Variants in SMS observed in about 807,000 individuals in gnomAD.
SMS encodes the protein spermidine aminopropyltransferase.
A neutral mutation model predicts 33.0 loss-of-function variants in SMS; 3 were observed. The observed-to-expected ratio is 0.09, with a 90% CI of 0.04 to 0.23. The LOEUF is 0.23. Ranked by LOEUF, SMS falls within the 10% of genes least tolerant of loss-of-function variation. SMS has a pLI of 1.00. For synonymous variants in SMS, 103 were observed against 112.2 expected (o/e 0.92, Z 0.52); for missense variants, 117 against 288.6 (o/e 0.41, Z 4.31).
In SMS at chrX:21,977,906, G is replaced by A. The variant is rs142524592; in HGVS notation, c.506-54G>A. 3.6e-6 allele frequency: 4 copies of A among 1,123,940 alleles called. No individual in the cohort carries two copies. In the African/African-American group the frequency reaches 7.2e-5, roughly 20 times the overall value. The allele number at this position is 1,123,940 out of a possible 1,213,427, so 92.6% of individuals were successfully genotyped here. On this transcript the variant is annotated intron_variant, in intron 5 of 10. Transcript: ENST00000404933. ...CCAGCTCTTCAGTGTGGTGGGGCCA[G>A]GTGGTTTGTGTGTTAAGGTAGACTC...
chrX:21,959,180 C>T (rs1281426767), intron 1 of SMS, among the ~76,000 whole-genome samples: 1 of 112,547 alleles, frequency 8.9e-6, no homozygotes, highest in East Asian at 2.8e-4. Flanking sequence ...GCCAAAGGAC[C>T]ACCTGCTTGA....
At chrX:21,953,482 G>A (rs1922755864) in intron 1 of SMS, among the ~76,000 whole-genome samples, 1 of 112,311 alleles carries the variant, frequency 8.9e-6, no homozygotes, top group Non-Finnish European at 1.9e-5. Flanking sequence ...CAATGCCTGG[G>A]AAAGGAGGAG....
chrX:21,979,774 G>A (rs181827262), intron 7 of SMS, among the ~76,000 whole-genome samples: 30 of 109,793 alleles, frequency 2.7e-4, no homozygotes, highest in African/African-American at 8.3e-4. Context: ...TTGAGGAATC[G>A]CTACGCTGTC....
Position 21,960,350 on chromosome X carries a change from C to T in SMS, c.50-6846C>T, listed in dbSNP as rs749834099. 1.4e-4 allele frequency among the ~76,000 whole-genome samples: 15 copies of T among 108,884 alleles called. No homozygotes were observed. In the South Asian group the frequency reaches 6.1e-3, roughly 45 times the overall value. The allele number at this position is 108,884 out of a possible 115,157, so 94.6% of individuals were successfully genotyped here. ...CTCCCAATTTCACAAGCCAGGTGCTCCTTGACCATGAGAGAGCTGAAAGGA... is the reference window on the plus strand; with the variant it reads ...CTCCCAATTTCACAAGCCAGGTGCTTCTTGACCATGAGAGAGCTGAAAGGA... On this transcript the variant is annotated intron_variant, in intron 1 of 10. Coordinates refer to ENST00000404933, the MANE Select transcript of SMS (RefSeq NM_004595.5).
chrX:21,983,121 C>T (rs1385925592), intron 7 of SMS, among the ~76,000 whole-genome samples: 2 of 111,214 alleles, frequency 1.8e-5, no homozygotes, highest in Non-Finnish European at 3.8e-5. Flanking sequence ...CTCACTACAG[C>T]CTCAAACTCC....
At chrX:21,961,798 G>A (rs1484743800) in intron 1 of SMS, among the ~76,000 whole-genome samples, 3 of 111,935 alleles carry the variant, frequency 2.7e-5, no homozygotes, top group Non-Finnish European at 3.8e-5. Context: ...GTTTCTGAGC[G>A]CTTTGGAAGG....
intron 7 of SMS, among the ~76,000 whole-genome samples, chrX:21,983,002 A>G (rs927137035): frequency 3.6e-5 from 4 of 111,801 alleles, no homozygotes; most frequent in African/African-American, 6.5e-5. Flanking sequence ...GAGAAATAAC[A>G]TGGGATAGGT....
chrX:21,959,647 A>G (rs1457083064), intron 1 of SMS, among the ~76,000 whole-genome samples: 1 of 112,882 alleles, frequency 8.9e-6, no homozygotes, highest in Non-Finnish European at 1.9e-5. Context: ...GTGGTTTTAA[A>G]GCAGCTACCT....
chrX:21,978,778 T>C (rs745646391), intron 6 of SMS, 99 bp from the exon 7 acceptor site: 127 of 609,963 alleles, frequency 2.1e-4, no homozygotes, highest in Non-Finnish European at 4.8e-5. Flanking sequence ...ATACCCAAGT[T>C]AGTATTATAA....
At chrX:21,948,439 C>CTTTTTTTTTTTTTTTTT (rs59082770) in intron 1 of SMS, among the ~76,000 whole-genome samples, 2 of 80,185 alleles carry the variant, frequency 2.5e-5, no homozygotes, top group Non-Finnish European at 4.6e-5. Context: ...GTCAATGTGT[C>CTTTTTTTTTTTTTTTTT]TTTTTTTTTT....
At chrX:21,974,479 T>C (rs1924408021) in intron 4 of SMS, among the ~76,000 whole-genome samples, 1 of 111,766 alleles carries the variant, frequency 8.9e-6, no homozygotes, top group Non-Finnish European at 1.9e-5. Context: ...ATTTCATCTT[T>C]TCCTGTTGGC....
At chrX:21,977,876 A>G (rs1254066290) in intron 5 of SMS, 84 bp from the exon 6 acceptor site, 2 of 940,496 alleles carry the variant, frequency 2.1e-6, no homozygotes, top group African/African-American at 1.9e-5. Flanking sequence ...ATTTTGGTCT[A>G]GATCCCAGCT....
intron 1 of SMS, among the ~76,000 whole-genome samples, chrX:21,950,841 T>C (rs1198700372): frequency 4.5e-5 from 5 of 112,240 alleles, no homozygotes; most frequent in Non-Finnish European, 9.4e-5. Context: ...TTATCCAGTC[T>C]ATCATAGATG....
intron 1 of SMS, among the ~76,000 whole-genome samples, chrX:21,964,622 C>A (rs1164255039): frequency 2.7e-5 from 3 of 111,225 alleles, no homozygotes; most frequent in Non-Finnish European, 3.8e-5. Context: ...GGCTGTGGCC[C>A]ATTTATTTCT....
chrX:21,972,194 A>G (rs1418334413), intron 3 of SMS, among the ~76,000 whole-genome samples: 19 of 112,353 alleles, frequency 1.7e-4, no homozygotes, highest in Non-Finnish European at 2.4e-4. Flanking sequence ...CTGCCTTAGT[A>G]TGAGTAATCT....
At chrX:21,992,077 G>A (rs1425853895) in intron 9 of SMS, among the ~76,000 whole-genome samples, 1 of 112,029 alleles carries the variant, frequency 8.9e-6, no homozygotes. Flanking sequence ...TATCCCTATC[G>A]TATATATCCT....
chrX:21,982,204 G>C (rs950602435), intron 7 of SMS, among the ~76,000 whole-genome samples: 1 of 108,468 alleles, frequency 9.2e-6, no homozygotes, highest in Admixed American at 9.9e-5. Context: ...TGGGCGTGGT[G>C]GCGGGCACCT....
rs201275730 is a variant in SMS, at chrX:21,978,023, C to T, written c.569C>T (p.Thr190Ile). The T allele has an allele frequency of 1.3e-4, 159 of 1,206,163 alleles. 1 individual carries two copies. In the East Asian group the frequency reaches 4.6e-3, roughly 35 times the overall value. ...ATGGGCAGTGGCAAAGAAGATTACA[C>T]TGGCAAAGATGTACTCATTCTGGGA... ...AIMGSGKEDY[T>I]GKDVLILGGG... Residue 190 changes from threonine to isoleucine, a missense_variant, in exon 6 of 11, where the codon ACT (threonine) becomes ATT (isoleucine). By Grantham distance (89) the Thr-to-Ile change is moderately conservative (BLOSUM62 -1). Around this residue, in one of 3 missense-constraint regions of SMS, gnomAD observed 69 missense variants for 203.8 expected, o/e 0.34. Coordinates refer to ENST00000404933, the MANE Select transcript of SMS (RefSeq NM_004595.5).
intron 1 of SMS, among the ~76,000 whole-genome samples, chrX:21,947,754 CTG>C (rs769388861): frequency 1.8e-5 from 2 of 111,661 alleles, no homozygotes; most frequent in South Asian, 7.5e-4. Context: ...AGTCTAAACT[CTG>C]TATCAACACA....
Sources: gnomAD v4.1 joint callset for allele counts (sites outside exome capture counted in the v4.1 genomes callset) on GRCh38, gnomAD v4.1.1 for gene constraint, gnomAD v4.1.1 regional missense constraint, MANE v1.5 for transcripts, NCBI Gene and HGNC (gene_info 2026-07-23, HGNC 2026-07-21) for gene names.